The following TBC1D14 variants were observed in gnomAD, a reference collection of about 807,000 sequenced individuals.
TBC1D14 encodes TBC1 domain family member 14.
In TBC1D14, 26 loss-of-function variants were observed where a neutral mutation model predicts 79.0. That is an observed-to-expected ratio of 0.33 (90% CI 0.24 to 0.46). TBC1D14 has a LOEUF of 0.46. TBC1D14 is among the 20% of genes least tolerant of loss of function. The pLI, the probability that TBC1D14 is intolerant of heterozygous loss-of-function variation, is 1.00. For missense variants in TBC1D14, 769 were observed against 887.6 expected, an observed-to-expected ratio of 0.87 and a Z score of 1.70; for synonymous variants, 394 against 349.9, an observed-to-expected ratio of 1.13 and a Z score of -1.40.
At chr4:7,022,020 G>A (rs1232375184) in intron 12 of TBC1D14, among the ~76,000 whole-genome samples, 6 of 152,234 alleles carry the variant, frequency 3.9e-5, no homozygotes, top group Non-Finnish European at 8.8e-5. Flanking sequence ...GCCTGTTCAC[G>A]GCTGGCTTTC....
intron 2 of TBC1D14, among the ~76,000 whole-genome samples, chr4:6,940,829 C>T (rs1712835829): frequency 6.6e-6 from 1 of 152,132 alleles, no homozygotes; most frequent in Non-Finnish European, 1.5e-5. Context: ...GGAGGCTGTG[C>T]TTGGGAAGTG....
chr4:6,946,177 G>A (rs1713435124), intron 2 of TBC1D14, among the ~76,000 whole-genome samples: 2 of 152,112 alleles, frequency 1.3e-5, no homozygotes, highest in Non-Finnish European at 2.9e-5. Context: ...TATATTCCCA[G>A]TACATGGCAT....
At chr4:6,941,617 G>T (rs1712918520) in intron 2 of TBC1D14, among the ~76,000 whole-genome samples, 1 of 147,836 alleles carries the variant, frequency 6.8e-6, no homozygotes, top group African/African-American at 2.5e-5. Flanking sequence ...AACCAAAAAA[G>T]ACCTTCCTCA....
At chr4:7,025,338 A>C in intron 13 of TBC1D14, 76 bp downstream of exon 13, 2 of 1,583,280 alleles carry the variant, frequency 1.3e-6, no homozygotes, top group South Asian at 2.3e-5. Flanking sequence ...CCCTACGTAA[A>C]GTGCTGTCTG....
At chr4:7,030,200 G>T (rs747489004) in intron 13 of TBC1D14, 127 bp from the exon 14 acceptor site, 3 of 799,410 alleles carry the variant, frequency 3.8e-6, no homozygotes, top group Non-Finnish European at 6.5e-6. Context: ...GACCCTGGAG[G>T]GTTGGAGGCA....
intron 2 of TBC1D14, among the ~76,000 whole-genome samples, chr4:6,963,816 G>A (rs907699704): frequency 2.0e-5 from 3 of 152,172 alleles, no homozygotes; most frequent in Admixed American, 6.5e-5. Context: ...TTTTGTTTGA[G>A]ACTGAGTCTC....
intron 3 of TBC1D14, among the ~76,000 whole-genome samples, chr4:6,971,962 A>G (rs1716262315): frequency 6.6e-6 from 1 of 152,252 alleles, no homozygotes; most frequent in Non-Finnish European, 1.5e-5. Context: ...GTTATTGTGG[A>G]TAAAGATGGG....
At chr4:7,016,647 C>T (rs987458372) in intron 12 of TBC1D14, among the ~76,000 whole-genome samples, 4 of 152,244 alleles carry the variant, frequency 2.6e-5, no homozygotes, top group Admixed American at 6.5e-5. Flanking sequence ...AAACTTAACA[C>T]GTACGTATGC....
intron 7 of TBC1D14, among the ~76,000 whole-genome samples, chr4:7,003,299 T>C (rs1719852656): frequency 6.6e-6 from 1 of 152,144 alleles, no homozygotes; most frequent in Non-Finnish European, 1.5e-5. Context: ...TCAAATGCCT[T>C]AGTTGGGAAG....
In TBC1D14 at chr4:6,923,725, A is replaced by C. The variant is rs771238502; in HGVS notation, c.336A>C (p.Pro112=). 420 of 1,613,808 alleles carry C rather than the reference A, an allele frequency of 2.6e-4. No homozygotes were observed. Among genetic ancestry groups the C allele is most frequent in the South Asian group, 3.4e-4 (31 of 91,086 alleles). The stretch of plus-strand genomic sequence containing the variant: ...CCTGCGCGCTGCCATCCTGTGCGCC[A>C]CCAGCTCCTAGCAGCACCGAGCGGG... ...QSACALPSCA[P]PAPSSTEREQ... is the part of the protein sequence containing the mutation. Residue 112 remains proline, a synonymous_variant, in exon 2 of 14, where the codon CCA becomes CCC. Coordinates refer to ENST00000409757, the MANE Select transcript of TBC1D14 (RefSeq NM_020773.3).
chr4:7,005,708 AAAG>A (rs1244164762), intron 8 of TBC1D14, among the ~76,000 whole-genome samples: 1 of 152,088 alleles, frequency 6.6e-6, no homozygotes, highest in Non-Finnish European at 1.5e-5. Context: ...AAAAAAAAAA[AAAG>A]AAATAGAACA....
At chr4:6,914,655 A>G (rs1347118291) in intron 1 of TBC1D14, among the ~76,000 whole-genome samples, 1 of 152,206 alleles carries the variant, frequency 6.6e-6, no homozygotes, top group African/African-American at 2.4e-5. Flanking sequence ...CTGATGTGTC[A>G]TCTGCGCTTG....
chr4:6,991,050 A>G (rs1324530804), intron 3 of TBC1D14, among the ~76,000 whole-genome samples: 3 of 152,150 alleles, frequency 2.0e-5, no homozygotes, highest in Non-Finnish European at 4.4e-5. Context: ...ACCTGTCACC[A>G]TTTCCAACAC....
At chr4:6,999,948 G>A (rs775412093) in intron 6 of TBC1D14, among the ~76,000 whole-genome samples, 1 of 152,164 alleles carries the variant, frequency 6.6e-6, no homozygotes, top group Non-Finnish European at 1.5e-5. Flanking sequence ...GTGGGGGCCA[G>A]TGTGCGGGCA....
chr4:6,960,532 C>G (rs892152434), intron 2 of TBC1D14, among the ~76,000 whole-genome samples: 4 of 152,146 alleles, frequency 2.6e-5, no homozygotes, highest in Admixed American at 6.5e-5. Flanking sequence ...TGATTATGTA[C>G]CTTGCTTTTT....
At chr4:7,012,353 C>T (rs1383347726) in intron 11 of TBC1D14, among the ~76,000 whole-genome samples, 1 of 151,192 alleles carries the variant, frequency 6.6e-6, no homozygotes, top group Non-Finnish European at 1.5e-5. Flanking sequence ...ATTACTGGGA[C>T]TGTAAATTGG....
chr4:6,937,012 G>T (rs567651530), intron 2 of TBC1D14, among the ~76,000 whole-genome samples: 6 of 152,202 alleles, frequency 3.9e-5, no homozygotes, highest in Non-Finnish European at 8.8e-5. Context: ...CCGCCTTCCG[G>T]GTTCAAGCGA....
intron 2 of TBC1D14, among the ~76,000 whole-genome samples, chr4:6,930,682 T>C (rs188160569): frequency 0.012 from 1,809 of 151,602 alleles, 18 homozygotes; most frequent in Non-Finnish European, 0.016. Flanking sequence ...CCTGTAATCC[T>C]AGCTACTTGG....
At chr4:6,988,391 A>T (rs1718103230) in intron 3 of TBC1D14, among the ~76,000 whole-genome samples, 1 of 152,218 alleles carries the variant, frequency 6.6e-6, no homozygotes, top group Admixed American at 6.5e-5. Context: ...AGTGTAACAG[A>T]TGAGGAAACA....
Sources: gnomAD v4.1 joint callset for allele counts (sites outside exome capture counted in the v4.1 genomes callset) on GRCh38, gnomAD v4.1.1 for gene constraint, MANE v1.5 for transcripts, NCBI Gene and HGNC (gene_info 2026-07-23, HGNC 2026-07-21) for gene names.